ANAPC10: variants seen among roughly 807,000 people sequenced by gnomAD.
ANAPC10 encodes anaphase promoting complex subunit 10, also known as anaphase-promoting complex subunit 10.
ANAPC10 carries 12 observed loss-of-function variants against 22.0 expected under a neutral mutation model. The observed-to-expected ratio is 0.55, with a 90% CI of 0.35 to 0.88. The LOEUF (loss-of-function observed/expected upper bound fraction) is 0.88. Ranked by LOEUF, ANAPC10 falls within the 40% of genes least tolerant of loss-of-function variation. The pLI, the probability that ANAPC10 is intolerant of heterozygous loss-of-function variation, is 0.01. For missense variants in ANAPC10, 188 were observed against 220.9 expected (o/e 0.85, Z 0.94); for synonymous variants, 65 against 69.5 (o/e 0.94, Z 0.32).
chr4:145,069,047 G>A (rs1030955418), intron 3 of ANAPC10, among the ~76,000 whole-genome samples: 10 of 152,246 alleles, frequency 6.6e-5, no homozygotes, highest in Middle Eastern at 3.4e-3. Flanking sequence ...CAGCAGATAC[G>A]GTCTTAAAAT....
chr4:145,009,006 T>C (rs1442658410), intron 4 of ANAPC10, among the ~76,000 whole-genome samples: 4 of 152,054 alleles, frequency 2.6e-5, no homozygotes, highest in African/African-American at 9.7e-5. Context: ...GGATACAAAA[T>C]CAATGTGTAA....
At chr4:145,065,045 A>G (rs979908901) in intron 3 of ANAPC10, among the ~76,000 whole-genome samples, 1 of 151,982 alleles carries the variant, frequency 6.6e-6, no homozygotes, top group African/African-American at 2.4e-5. Flanking sequence ...AATTATTCTC[A>G]TAAGTTTGGT....
At chr4:145,062,449 T>C (rs1352972376) in intron 4 of ANAPC10, among the ~76,000 whole-genome samples, 2 of 151,604 alleles carry the variant, frequency 1.3e-5, no homozygotes, top group East Asian at 1.9e-4. Context: ...CTACTAAAAA[T>C]AGAAAAAATT....
chr4:145,004,657 G>C (rs1352922208), intron 4 of ANAPC10, among the ~76,000 whole-genome samples: 2 of 152,102 alleles, frequency 1.3e-5, no homozygotes, highest in Non-Finnish European at 2.9e-5. Context: ...TTATTGATCT[G>C]CATGTGTTGA....
Position 145,064,612 on chromosome 4 carries a change from A to T in ANAPC10, c.287T>A (p.Val96Asp), listed in dbSNP as rs762962943. 1 of 1,609,126 alleles carries T rather than the reference A, an allele frequency of 6.2e-7. No individual in the cohort carries two copies. The highest frequency in any genetic ancestry group is 2.2e-5 in the East Asian group (1 of 44,650). ...DESYTPSKIS[V>D]RVGNNFHNLQ... ...GTTGTGAAAATTATTTCCTACTCTG[A>T]CTGAGATCTTGCTTGGAGTATAGCT... Residue 96 changes from valine (V) to aspartate (D), a missense_variant, in exon 4 of 5, where the codon GTC becomes GAC. Physicochemically the swap from Val to Asp is radical, Grantham distance 152. Coordinates refer to ENST00000507656, the MANE Select transcript of ANAPC10 (RefSeq NM_001256706.2).
chr4:145,012,451 T>C (rs1734497207), intron 4 of ANAPC10, among the ~76,000 whole-genome samples: 1 of 151,992 alleles, frequency 6.6e-6, no homozygotes, highest in African/African-American at 2.4e-5. Context: ...AAGAATTTCA[T>C]CTGAGAATTA....
At position 145,020,302 on chromosome 4, in the gene ANAPC10, T is replaced by C. The variant is rs535168262; in HGVS notation, c.328-24699A>G. Among the ~76,000 whole-genome samples the C allele has an allele frequency of 2.0e-5, 3 of 152,240 alleles. No homozygotes were observed. The South Asian group carries it at 6.2e-4, about 32-fold the overall frequency. ...AACATCCACAAGTCAATAAATGTGATACACCACATAAACAGAATGAAAACA... is the reference window on the plus strand; with the variant it reads ...AACATCCACAAGTCAATAAATGTGACACACCACATAAACAGAATGAAAACA... On this transcript the variant is annotated intron_variant, in intron 4 of 4. Coordinates refer to ENST00000507656, the MANE Select transcript of ANAPC10 (RefSeq NM_001256706.2).
chr4:145,014,555 C>A (rs781673853), intron 4 of ANAPC10, among the ~76,000 whole-genome samples: 1 of 152,100 alleles, frequency 6.6e-6, no homozygotes, highest in African/African-American at 2.4e-5. Flanking sequence ...CTAGGCCCCC[C>A]GCCCACCGTC....
At chr4:145,078,337 C>T (rs1006580298) in intron 3 of ANAPC10, among the ~76,000 whole-genome samples, 1 of 150,636 alleles carries the variant, frequency 6.6e-6, no homozygotes, top group Non-Finnish European at 1.5e-5. Context: ...AAGATCTCTA[C>T]AAGAATTACA....
intron 3 of ANAPC10, among the ~76,000 whole-genome samples, chr4:145,069,649 T>C (rs1420331228): frequency 1.3e-5 from 2 of 152,112 alleles, no homozygotes; most frequent in Non-Finnish European, 2.9e-5. Flanking sequence ...TCTTAAAGAG[T>C]GGTCTGGGGA....
At chr4:145,049,428 A>G (rs1740782331) in intron 4 of ANAPC10, among the ~76,000 whole-genome samples, 1 of 152,214 alleles carries the variant, frequency 6.6e-6, no homozygotes, top group South Asian at 2.1e-4. Flanking sequence ...AAGATGATGC[A>G]ATATTCTAAA....
chr4:145,022,178 G>A (rs866280015), intron 4 of ANAPC10, among the ~76,000 whole-genome samples: 166 of 152,148 alleles, frequency 1.1e-3, no homozygotes, highest in African/African-American at 3.7e-3. Flanking sequence ...AGTAAATGAA[G>A]TCATTATATG....
At chr4:145,001,088 A>T (rs961660701) in intron 4 of ANAPC10, among the ~76,000 whole-genome samples, 11 of 152,102 alleles carry the variant, frequency 7.2e-5, no homozygotes, top group Admixed American at 7.2e-4. Context: ...AATGTAAATG[A>T]CGAGTTAATG....
intron 4 of ANAPC10, among the ~76,000 whole-genome samples, chr4:144,997,511 A>C (rs918518972): frequency 6.6e-6 from 1 of 152,234 alleles, no homozygotes; most frequent in African/African-American, 2.4e-5. Flanking sequence ...AAGGAGAAAT[A>C]AAATACTTTA....
chr4:145,062,817 T>A (rs981608522), intron 4 of ANAPC10, among the ~76,000 whole-genome samples: 1 of 152,138 alleles, frequency 6.6e-6, no homozygotes, highest in East Asian at 1.9e-4. Flanking sequence ...ATATACCCAA[T>A]GGAATATTAT....
At chr4:145,093,077 T>C (rs918932028) in intron 2 of ANAPC10, among the ~76,000 whole-genome samples, 2 of 152,140 alleles carry the variant, frequency 1.3e-5, no homozygotes, top group Admixed American at 1.3e-4. Context: ...TCTCATACCC[T>C]GAACTGAGTA....
At chr4:145,058,985 T>A (rs1029927240) in intron 4 of ANAPC10, among the ~76,000 whole-genome samples, 7 of 152,266 alleles carry the variant, frequency 4.6e-5, no homozygotes, top group East Asian at 1.9e-4. Context: ...ACTACTTTTT[T>A]AAAAAAATCT....
intron 4 of ANAPC10, among the ~76,000 whole-genome samples, chr4:145,056,442 C>A (rs1308674679): frequency 3.9e-5 from 6 of 152,304 alleles, no homozygotes; most frequent in African/African-American, 1.4e-4. Context: ...GCCCTCAGGG[C>A]TGCTCTATGT....
At chr4:145,027,191 A>G (rs2127029541) in intron 4 of ANAPC10, among the ~76,000 whole-genome samples, 1 of 149,434 alleles carries the variant, frequency 6.7e-6, no homozygotes, top group Non-Finnish European at 1.5e-5. Context: ...TTTAGTAGAG[A>G]TGGGATTTTG....
Sources: allele counts gnomAD v4.1 joint callset (sites outside exome capture counted in the v4.1 genomes callset), GRCh38; gene constraint gnomAD v4.1.1; transcripts MANE v1.5; gene names NCBI Gene and HGNC (gene_info 2026-07-23, HGNC 2026-07-21).